The following MALRD1 variants were observed in gnomAD, a reference collection of about 807,000 sequenced individuals.
The protein encoded by MALRD1 is MAM and LDL-receptor class A domain-containing protein 1.
Under a neutral mutation model 242.1 loss-of-function variants are expected in MALRD1, and 247 were observed. The ratio of observed to expected loss-of-function variants is 1.02; its 90% CI spans 0.92 to 1.13. The LOEUF (loss-of-function observed/expected upper bound fraction) is 1.13. Among genes scored for constraint, MALRD1 ranks in the 50% most tolerant of loss-of-function variants. The pLI, the probability that MALRD1 is intolerant of heterozygous loss-of-function variation, is 0.00. For synonymous variants in MALRD1, 995 were observed against 866.6 expected, an observed-to-expected ratio of 1.15 and a Z score of -2.60; for missense variants, 2,989 against 2,533.1, an observed-to-expected ratio of 1.18 and a Z score of -3.86.
intron 33 of MALRD1, among the ~76,000 whole-genome samples, chr10:19,581,293 T>C (rs896780309): frequency 2.0e-5 from 3 of 151,596 alleles, no homozygotes; most frequent in Admixed American, 6.6e-5. Context: ...TATGTATACA[T>C]GTGACATGCT....
chr10:19,167,653 G>A (rs369720069), intron 13 of MALRD1, among the ~76,000 whole-genome samples: 1 of 152,114 alleles, frequency 6.6e-6, no homozygotes, highest in East Asian at 1.9e-4. Context: ...TACTCTAGGC[G>A]AAGTCTCTTA....
intron 36 of MALRD1, among the ~76,000 whole-genome samples, chr10:19,671,957 A>G (rs995600558): frequency 6.6e-5 from 10 of 151,500 alleles, no homozygotes; most frequent in African/African-American, 2.2e-4. Flanking sequence ...TCTTTTTTCC[A>G]ATTTTTCTCT....
At chr10:19,700,019 TAG>T (rs1171793775) in intron 38 of MALRD1, among the ~76,000 whole-genome samples, 143 of 119,504 alleles carry the variant, frequency 1.2e-3, no homozygotes, top group African/African-American at 5.2e-3. Flanking sequence ...GAAATTGATT[TAG>T]ACACACACAC....
intron 21 of MALRD1, among the ~76,000 whole-genome samples, chr10:19,293,197 C>A (rs531849438): frequency 1.4e-3 from 219 of 152,190 alleles, no homozygotes; most frequent in Non-Finnish European, 2.2e-3. Context: ...TGGTTAAATA[C>A]CAGTCCTTAG....
At chr10:19,429,579 A>AAAAC (rs1834040418) in intron 28 of MALRD1, among the ~76,000 whole-genome samples, 1 of 152,050 alleles carries the variant, frequency 6.6e-6, no homozygotes, top group Non-Finnish European at 1.5e-5. Flanking sequence ...AAAACAAAAC[A>AAAAC]AAACAAATAG....
rs971977086 is a variant in MALRD1, at chr10:19,602,085, G to A, written c.5945-5692G>A. Among the ~76,000 whole-genome samples the A allele has an allele frequency of 2.0e-5, 3 of 150,156 alleles. No homozygotes were observed. In the South Asian group the frequency reaches 6.3e-4, roughly 31 times the overall value. On this transcript the variant is annotated intron_variant, in intron 34 of 39. Transcript: ENST00000454679. ...TGTGTATTGCTTTATTGCGCTTCAC[G>A]GATGTCACATTTTTTACAAATTGGA...
chr10:19,432,748 A>G (rs1834189482), intron 28 of MALRD1, among the ~76,000 whole-genome samples: 1 of 152,216 alleles, frequency 6.6e-6, no homozygotes, highest in African/African-American at 2.4e-5. Context: ...AGGCTTCTCC[A>G]AAGTGATATT....
chr10:19,576,479 G>C (rs1013796108), intron 33 of MALRD1, among the ~76,000 whole-genome samples: 1 of 152,098 alleles, frequency 6.6e-6, no homozygotes, highest in East Asian at 1.9e-4. Context: ...ATACTTTCGT[G>C]TTGTATAATA....
chr10:19,702,283 C>T (rs1418137188), intron 38 of MALRD1, among the ~76,000 whole-genome samples: 2 of 152,144 alleles, frequency 1.3e-5, no homozygotes, highest in Non-Finnish European at 2.9e-5. Context: ...TCCCATTCTT[C>T]CACACCCTAC....
intron 14 of MALRD1, among the ~76,000 whole-genome samples, chr10:19,191,480 C>A (rs1384695498): frequency 6.6e-6 from 1 of 152,090 alleles, no homozygotes; most frequent in Non-Finnish European, 1.5e-5. Flanking sequence ...TTCGGCAATT[C>A]CAGTTTTGGG....
intron 28 of MALRD1, among the ~76,000 whole-genome samples, chr10:19,439,907 T>C (rs1349877225): frequency 1.3e-5 from 2 of 152,192 alleles, no homozygotes; most frequent in Non-Finnish European, 2.9e-5. Flanking sequence ...ACTTCGAGTG[T>C]GTCAAAACTT....
At chr10:19,723,939 T>G (rs187428993) in intron 38 of MALRD1, among the ~76,000 whole-genome samples, 1 of 150,476 alleles carries the variant, frequency 6.6e-6, no homozygotes, top group African/African-American at 2.5e-5. Flanking sequence ...GCACCTATAG[T>G]CCCAGCAACT....
intron 5 of MALRD1, among the ~76,000 whole-genome samples, chr10:19,122,508 T>G (rs73591921): frequency 0.074 from 11,248 of 151,854 alleles, 493 homozygotes; most frequent in South Asian, 0.13. Flanking sequence ...AATGTTCAGG[T>G]GTTGAGGGGC....
chr10:19,200,618 C>CTT (rs907556471), intron 14 of MALRD1, among the ~76,000 whole-genome samples: 3 of 91,778 alleles, frequency 3.3e-5, no homozygotes, highest in Non-Finnish European at 6.8e-5. Context: ...TGATTCTGGG[C>CTT]TTTTTTTTTC....
At chr10:19,670,576 C>T (rs1589381831) in intron 36 of MALRD1, among the ~76,000 whole-genome samples, 1 of 152,114 alleles carries the variant, frequency 6.6e-6, no homozygotes, top group East Asian at 1.9e-4. Context: ...TTCCAGCTTC[C>T]AACAGATTCG....
At chr10:19,711,043 AGTGTGAATCAGTAAT>A (rs1187361000) in intron 38 of MALRD1, 1 of 152,252 alleles carries the variant, frequency 6.6e-6, no homozygotes, top group East Asian at 1.9e-4. Context: ...ACTTTTGACT[AGTGTGAATCAGTAAT>A]GTTACCAAGG....
intron 14 of MALRD1, among the ~76,000 whole-genome samples, chr10:19,186,486 A>ATT (rs1201135317): frequency 6.6e-6 from 1 of 152,252 alleles, no homozygotes; most frequent in East Asian, 1.9e-4. Context: ...TTTGCTGCAG[A>ATT]TAATCATGTT....
At chr10:19,308,717 C>A (rs1466003007) in intron 21 of MALRD1, among the ~76,000 whole-genome samples, 3 of 151,554 alleles carry the variant, frequency 2.0e-5, no homozygotes, top group East Asian at 3.9e-4. Context: ...GAACACATTT[C>A]TCCTATTACG....
intron 21 of MALRD1, among the ~76,000 whole-genome samples, chr10:19,322,036 A>C (rs1178972227): frequency 3.3e-5 from 5 of 152,178 alleles, no homozygotes; most frequent in African/African-American, 1.2e-4. Context: ...GCTATATCTC[A>C]TAAGTAGAAC....
Sources: allele counts gnomAD v4.1 joint callset (sites outside exome capture counted in the v4.1 genomes callset), GRCh38; gene constraint gnomAD v4.1.1; transcripts MANE v1.5; gene names NCBI Gene and HGNC (gene_info 2026-07-23, HGNC 2026-07-21).